The following DCC variants were observed in gnomAD, a reference collection of about 807,000 sequenced individuals.
DCC encodes the protein netrin receptor DCC.
Under a neutral mutation model 172.5 loss-of-function variants are expected in DCC, and 58 were observed. That is an observed-to-expected ratio of 0.34 (90% CI 0.27 to 0.42). The LOEUF (loss-of-function observed/expected upper bound fraction) is 0.42, where lower values mean the gene tolerates loss of function less well. DCC is among the 10% of genes least tolerant of loss of function. The pLI is 1.00. For missense variants in DCC, 1,740 were observed against 1,791.0 expected, an observed-to-expected ratio of 0.97 and a Z score of 0.51; for synonymous variants, 709 against 644.5, an observed-to-expected ratio of 1.10 and a Z score of -1.52.
chr18:53,108,211 T>G (rs188757418), intron 7 of DCC, among the ~76,000 whole-genome samples: 6 of 151,606 alleles, frequency 4.0e-5, no homozygotes, highest in African/African-American at 1.5e-4. Context: ...GGCAGCTCCA[T>G]CAATTCTCAC....
chr18:52,915,556 G>T (rs781627315), intron 3 of DCC, among the ~76,000 whole-genome samples: 1 of 151,994 alleles, frequency 6.6e-6, no homozygotes, highest in African/African-American at 2.4e-5. Flanking sequence ...CTTCTTTAGG[G>T]CATGGGGCCT....
chr18:53,334,246 G>A (rs536483516), intron 14 of DCC, among the ~76,000 whole-genome samples: 31 of 152,100 alleles, frequency 2.0e-4, no homozygotes, highest in South Asian at 1.9e-3. Context: ...ATATCAATGA[G>A]ACCACACTTC....
At chr18:53,127,299 G>A (rs2043576251) in intron 7 of DCC, among the ~76,000 whole-genome samples, 1 of 151,800 alleles carries the variant, frequency 6.6e-6, no homozygotes, top group Admixed American at 6.6e-5. Flanking sequence ...AACAAACTGT[G>A]CCCTGCTTAG....
At chr18:52,836,679 C>G (rs1205897525) in intron 2 of DCC, among the ~76,000 whole-genome samples, 1 of 152,214 alleles carries the variant, frequency 6.6e-6, no homozygotes, top group Non-Finnish European at 1.5e-5. Flanking sequence ...TGTGGCTTTG[C>G]AGGGCACAGC....
At chr18:52,862,641 T>G (rs2039161146) in intron 2 of DCC, among the ~76,000 whole-genome samples, 1 of 152,004 alleles carries the variant, frequency 6.6e-6, no homozygotes, top group Non-Finnish European at 1.5e-5. Flanking sequence ...GAGGTTGCAG[T>G]GAGTTGAGAT....
At chr18:53,138,748 A>G (rs902410799) in intron 7 of DCC, among the ~76,000 whole-genome samples, 4 of 152,224 alleles carry the variant, frequency 2.6e-5, no homozygotes, top group Admixed American at 2.6e-4. Flanking sequence ...GACACTAACA[A>G]TATACCCTTG....
intron 27 of DCC, among the ~76,000 whole-genome samples, chr18:53,512,388 C>G (rs1238276239): frequency 6.6e-6 from 1 of 151,422 alleles, no homozygotes; most frequent in African/African-American, 2.4e-5. Context: ...ACTGGAAACT[C>G]TAAAAAGCAG....
intron 1 of DCC, among the ~76,000 whole-genome samples, chr18:52,732,035 A>T (rs928473940): frequency 2.6e-5 from 4 of 152,168 alleles, no homozygotes; most frequent in Non-Finnish European, 5.9e-5. Flanking sequence ...AATATCTAGC[A>T]TAGAAACTCA....
At chr18:52,985,535 G>A (rs1057217670) in intron 5 of DCC, among the ~76,000 whole-genome samples, 1 of 152,082 alleles carries the variant, frequency 6.6e-6, no homozygotes, top group African/African-American at 2.4e-5. Flanking sequence ...TTATCGGTAG[G>A]TATGGGTCTT....
intron 22 of DCC, among the ~76,000 whole-genome samples, chr18:53,447,970 CAA>C (rs1451323483): frequency 6.6e-6 from 1 of 150,624 alleles, no homozygotes; most frequent in Non-Finnish European, 1.5e-5. Flanking sequence ...TTTTTTCCTC[CAA>C]GAGTCAACTT....
intron 1 of DCC, among the ~76,000 whole-genome samples, chr18:52,737,165 A>G (rs915985328): frequency 2.6e-5 from 4 of 152,118 alleles, no homozygotes; most frequent in Non-Finnish European, 5.9e-5. Context: ...TTTTTATATT[A>G]GAGACGACGT....
intron 25 of DCC, among the ~76,000 whole-genome samples, chr18:53,468,290 T>A (rs2045648195): frequency 6.6e-6 from 1 of 150,932 alleles, no homozygotes; most frequent in Non-Finnish European, 1.5e-5. Flanking sequence ...AAAGAGCTGA[T>A]ATATATTTTA....
At chr18:52,883,189 C>T (rs574854123) in intron 2 of DCC, among the ~76,000 whole-genome samples, 9 of 151,996 alleles carry the variant, frequency 5.9e-5, no homozygotes, top group Non-Finnish European at 1.3e-4. Context: ...CATTGGGTCT[C>T]ATGTTTTAAT....
rs552900959 is a variant in DCC, at chr18:52,389,785, T to C, written c.91+48907T>C. ...GTGCACCTCCCTAGGTCCTCCATCA[T>C]TTGATTTATTTTACAAGGACAGCGA... On this transcript the variant is annotated intron_variant, in intron 1 of 28. Coordinates refer to ENST00000442544, the MANE Select transcript of DCC (RefSeq NM_005215.4). Among the ~76,000 whole-genome samples, 29 of 152,138 alleles carry C rather than the reference T, an allele frequency of 1.9e-4. 1 individual carries two copies. In the South Asian group the frequency reaches 6.0e-3, roughly 32 times the overall value.
At chr18:53,089,745 T>A (rs952073100) in intron 7 of DCC, among the ~76,000 whole-genome samples, 11 of 152,202 alleles carry the variant, frequency 7.2e-5, no homozygotes, top group African/African-American at 2.4e-4. Flanking sequence ...GGGCCTAACT[T>A]TCTAAGTGCT....
chr18:53,059,080 G>A (rs2042456509), intron 5 of DCC, among the ~76,000 whole-genome samples: 1 of 152,048 alleles, frequency 6.6e-6, no homozygotes, highest in African/African-American at 2.4e-5. Flanking sequence ...TCACATGGTG[G>A]CAGCAAGGAG....
chr18:53,218,791 G>T (rs114140906), intron 12 of DCC, among the ~76,000 whole-genome samples: 2,268 of 152,100 alleles, frequency 0.015, 51 homozygotes, highest in African/African-American at 0.051. Flanking sequence ...ATTTCCTTAA[G>T]AATTTAATTT....
chr18:52,690,980 C>T (rs1488331578), intron 1 of DCC, among the ~76,000 whole-genome samples: 1 of 152,072 alleles, frequency 6.6e-6, no homozygotes, highest in African/African-American at 2.4e-5. Flanking sequence ...GAAGGTCTGC[C>T]TCTCCAGGGA....
intron 1 of DCC, among the ~76,000 whole-genome samples, chr18:52,485,812 A>G (rs2030189857): frequency 6.6e-6 from 1 of 152,196 alleles, no homozygotes; most frequent in Non-Finnish European, 1.5e-5. Context: ...TTAAATTCAA[A>G]GAATAATTCA....
Sources: gnomAD v4.1 joint callset for allele counts (sites outside exome capture counted in the v4.1 genomes callset) on GRCh38, gnomAD v4.1.1 for gene constraint, MANE v1.5 for transcripts, NCBI Gene and HGNC (gene_info 2026-07-23, HGNC 2026-07-21) for gene names.